Variants in NFATC3 observed in about 807,000 individuals in gnomAD.
The protein encoded by NFATC3 is nuclear factor of activated T-cells, cytoplasmic 3.
Under a neutral mutation model 98.6 loss-of-function variants are expected in NFATC3, and 46 were observed. The ratio of observed to expected loss-of-function variants is 0.47; its 90% CI spans 0.37 to 0.60. NFATC3 has a LOEUF of 0.60. NFATC3 is among the 20% of genes least tolerant of loss of function. NFATC3 has a pLI of 0.00. For missense variants in NFATC3, 1,256 were observed against 1,295.5 expected, an observed-to-expected ratio of 0.97 and a Z score of 0.47; for synonymous variants, 512 against 472.2, an observed-to-expected ratio of 1.08 and a Z score of -1.09.
intron 1 of NFATC3, among the ~76,000 whole-genome samples, chr16:68,103,415 G>T (rs890762158): frequency 3.3e-5 from 5 of 152,160 alleles, no homozygotes; most frequent in Admixed American, 3.3e-4. Context: ...TCACCACGTT[G>T]CCCAGGTTGG....
intron 1 of NFATC3, among the ~76,000 whole-genome samples, chr16:68,110,404 G>T (rs1400551804): frequency 6.6e-5 from 10 of 151,568 alleles, no homozygotes; most frequent in African/African-American, 2.2e-4. Context: ...CGCCTCCCGG[G>T]TTCATGCCAT....
intron 1 of NFATC3, among the ~76,000 whole-genome samples, chr16:68,112,453 T>G (rs548748056): frequency 1.3e-5 from 2 of 151,086 alleles, no homozygotes; most frequent in South Asian, 4.2e-4. Context: ...GATTTTTGTA[T>G]TTTTAGTAGA....
intron 3 of NFATC3, among the ~76,000 whole-genome samples, chr16:68,128,562 T>C (rs1299479995): frequency 6.6e-6 from 1 of 151,726 alleles, no homozygotes; most frequent in Non-Finnish European, 1.5e-5. Flanking sequence ...TTTCCTTTAA[T>C]GAAAAAACCG....
chr16:68,138,418 T>A (rs2151534833), intron 3 of NFATC3: 2 of 891,018 alleles, frequency 2.2e-6, no homozygotes. Flanking sequence ...GTAGCCTAAC[T>A]ACTGTAACTA....
chr16:68,124,992 A>G (rs1034916253), intron 2 of NFATC3, among the ~76,000 whole-genome samples: 2 of 152,110 alleles, frequency 1.3e-5, no homozygotes, highest in African/African-American at 4.8e-5. Context: ...CGGCCTCCCA[A>G]AGTGCTGGGA....
At chr16:68,195,098 C>CAA (rs575356501) in intron 9 of NFATC3, among the ~76,000 whole-genome samples, 1 of 139,160 alleles carries the variant, frequency 7.2e-6, no homozygotes, top group African/African-American at 2.6e-5. Flanking sequence ...ACTACAAATA[C>CAA]AAAAAAAAAA....
chr16:68,120,572 G>GA (rs1196341717), intron 1 of NFATC3, among the ~76,000 whole-genome samples: 8,878 of 83,524 alleles, frequency 0.11, 548 homozygotes, highest in Middle Eastern at 0.27. Context: ...CTCTGTCTCA[G>GA]AAAAAAAAAA....
intron 6 of NFATC3, among the ~76,000 whole-genome samples, chr16:68,175,206 T>C (rs781438919): frequency 4.9e-4 from 74 of 152,350 alleles, no homozygotes; most frequent in Non-Finnish European, 1.9e-4. Flanking sequence ...TTGTATAAAA[T>C]GTCCAGTATA....
At chr16:68,155,308 C>T (rs997154130) in intron 3 of NFATC3, among the ~76,000 whole-genome samples, 2 of 152,178 alleles carry the variant, frequency 1.3e-5, no homozygotes, top group South Asian at 4.1e-4. Flanking sequence ...GTTTTACCTA[C>T]TGAAGGCAGA....
At chr16:68,219,382 C>CA (rs1445975730) in intron 9 of NFATC3, among the ~76,000 whole-genome samples, 4 of 150,326 alleles carry the variant, frequency 2.7e-5, no homozygotes, top group Admixed American at 6.6e-5. Flanking sequence ...GACTCTGTCT[C>CA]AAAAAAAATA....
chr16:68,090,322 A>C (rs184417394), intron 1 of NFATC3, among the ~76,000 whole-genome samples: 2 of 125,802 alleles, frequency 1.6e-5, no homozygotes, highest in African/African-American at 3.0e-5. Context: ...TTTCTTTAAA[A>C]ACACACACAC....
chr16:68,124,654 C>T (rs1052175692), intron 2 of NFATC3, among the ~76,000 whole-genome samples: 1 of 151,796 alleles, frequency 6.6e-6, no homozygotes, highest in African/African-American at 2.4e-5. Flanking sequence ...AGGATGGTCT[C>T]CATCTCCTGA....
intron 9 of NFATC3, among the ~76,000 whole-genome samples, chr16:68,197,144 A>T (rs914589464): frequency 6.6e-6 from 1 of 152,108 alleles, no homozygotes; most frequent in African/African-American, 2.4e-5. Context: ...AAATCTTGCT[A>T]AACTGCCCAG....
In NFATC3 at chr16:68,155,037, T is replaced by G. The variant is rs992923296; in HGVS notation, c.1402-2832T>G. On this transcript the variant is annotated intron_variant, in intron 3 of 9. Coordinates refer to ENST00000346183, the MANE Select transcript of NFATC3 (RefSeq NM_173165.3). The stretch of plus-strand genomic sequence containing the variant: ...AGTCCAGGCTTTAATTGCTTCTTTA[T>G]AAATGTTACAGGACTGAAAACTATC... Among the ~76,000 whole-genome samples, 6 of 152,264 alleles carry G rather than the reference T, an allele frequency of 3.9e-5. No homozygotes were observed. In the East Asian group the frequency reaches 1.2e-3, roughly 29 times the overall value.
intron 7 of NFATC3, among the ~76,000 whole-genome samples, chr16:68,182,572 G>A (rs1024746671): frequency 1.3e-5 from 2 of 152,114 alleles, no homozygotes; most frequent in Admixed American, 6.6e-5. Context: ...GCAGGCTGGA[G>A]TGCAGTGGTG....
rs181728916 is a variant in NFATC3, at chr16:68,175,606, C to T, written c.1915+1092C>T. Among the ~76,000 whole-genome samples the T allele has an allele frequency of 1.8e-3, 272 of 152,076 alleles. 1 individual carries two copies. Among genetic ancestry groups the T allele is most frequent in the East Asian group, 1.9e-3 (10 of 5,176 alleles). ...ACAGTGACTTGTTCTGTTGGCTAGGCTGGAGTGCAATGGCACAATCTTGGC... is the reference window on the plus strand; with the variant it reads ...ACAGTGACTTGTTCTGTTGGCTAGGTTGGAGTGCAATGGCACAATCTTGGC... On this transcript the variant is annotated intron_variant, in intron 6 of 9. Transcript: ENST00000346183.
At chr16:68,163,617 C>T (rs1238366023) in intron 4 of NFATC3, among the ~76,000 whole-genome samples, 9 of 113,618 alleles carry the variant, frequency 7.9e-5, no homozygotes, top group Non-Finnish European at 1.3e-4. Flanking sequence ...GGGCGGCTGC[C>T]GGGCGGATGG....
chr16:68,160,774 T>C (rs1419515096), intron 4 of NFATC3, among the ~76,000 whole-genome samples: 10 of 152,088 alleles, frequency 6.6e-5, no homozygotes, highest in Non-Finnish European at 1.3e-4. Flanking sequence ...AACCTCTGCC[T>C]CCCAGGCTCA....
intron 3 of NFATC3, among the ~76,000 whole-genome samples, chr16:68,151,696 G>C (rs953279404): frequency 6.6e-6 from 1 of 152,006 alleles, no homozygotes; most frequent in African/African-American, 2.4e-5. Context: ...ACAACTAAAC[G>C]CATCTTCACA....
Sources: allele counts gnomAD v4.1 joint callset (sites outside exome capture counted in the v4.1 genomes callset), GRCh38; gene constraint gnomAD v4.1.1; transcripts MANE v1.5; gene names NCBI Gene and HGNC (gene_info 2026-07-23, HGNC 2026-07-21).